GTF3C1: variants seen among roughly 807,000 people sequenced by gnomAD.
GTF3C1 encodes general transcription factor 3C polypeptide 1.
In GTF3C1, 57 loss-of-function variants were observed where a neutral mutation model predicts 226.7. The observed-to-expected ratio is 0.25, with a 90% confidence interval of 0.20 to 0.31. The LOEUF (loss-of-function observed/expected upper bound fraction) is 0.31. Among genes scored for constraint, GTF3C1 ranks in the 10% least tolerant of loss-of-function variants. The pLI is 1.00. For missense variants in GTF3C1, 2,217 were observed against 2,776.1 expected, an observed-to-expected ratio of 0.80 and a Z score of 4.53; for synonymous variants, 1,090 against 1,084.8, an observed-to-expected ratio of 1.00 and a Z score of -0.09.
chr16:27,542,641 T>C (rs2089103065), intron 2 of GTF3C1, among the ~76,000 whole-genome samples: 1 of 151,994 alleles, frequency 6.6e-6, no homozygotes, highest in Non-Finnish European at 1.5e-5. Flanking sequence ...GTTTGGGTAG[T>C]GGGGGATGGA....
At chr16:27,490,991 T>C (rs753660053) in intron 19 of GTF3C1, among the ~76,000 whole-genome samples, 5 of 152,170 alleles carry the variant, frequency 3.3e-5, no homozygotes, top group Admixed American at 6.5e-5. Context: ...TCATGCTGGT[T>C]CACAAATTTT....
In GTF3C1 at chr16:27,538,335, G is replaced by T; in HGVS notation, c.453C>A (p.Ile151=). ...AFDRWGKKLI[I]VASQAMRYRA... is the part of the protein sequence containing the mutation. ...TGTACCGCATGGCCTGGGAGGCAACGATGATCAGTTTCTTCCCCCACCTGC... is the reference window on the plus strand; with the variant it reads ...TGTACCGCATGGCCTGGGAGGCAACTATGATCAGTTTCTTCCCCCACCTGC... Residue 151 remains isoleucine (I), a synonymous_variant, in exon 3 of 37, where the codon ATC becomes ATA. Coordinates refer to ENST00000356183, the MANE Select transcript of GTF3C1 (RefSeq NM_001520.4). The T allele has an allele frequency of 6.4e-7, 1 of 1,557,374 alleles. No individual in the cohort carries two copies. The highest frequency in any genetic ancestry group is 8.7e-7 in the Non-Finnish European group (1 of 1,154,110).
chr16:27,484,169 C>T (rs757980799), intron 25 of GTF3C1, 42 bp downstream of exon 25: 30 of 1,472,456 alleles, frequency 2.0e-5, no homozygotes, highest in Admixed American at 5.0e-5. Context: ...AACGGGATAA[C>T]GTAACCGTGT....
chr16:27,535,450 T>G (rs777910030), intron 4 of GTF3C1, among the ~76,000 whole-genome samples: 17 of 151,966 alleles, frequency 1.1e-4, no homozygotes, highest in Non-Finnish European at 2.2e-4. Context: ...TGGCACATGC[T>G]TATAGTACCA....
At chr16:27,531,163 G>C (rs961150995) in intron 5 of GTF3C1, among the ~76,000 whole-genome samples, 1 of 152,032 alleles carries the variant, frequency 6.6e-6, no homozygotes, top group Non-Finnish European at 1.5e-5. Context: ...ATTTCTACAC[G>C]GCCAGCAGCA....
At chr16:27,473,581 C>T (rs1349557116) in intron 29 of GTF3C1, among the ~76,000 whole-genome samples, 1 of 152,250 alleles carries the variant, frequency 6.6e-6, no homozygotes, top group African/African-American at 2.4e-5. Context: ...TGAGGTCACA[C>T]TGTCAGGCAG....
At chr16:27,487,288 A>G (rs2088156335) in intron 23 of GTF3C1, among the ~76,000 whole-genome samples, 1 of 152,242 alleles carries the variant, frequency 6.6e-6, no homozygotes, top group South Asian at 2.1e-4. Flanking sequence ...CACTAAAAAC[A>G]GGTTCCTGTT....
Position 27,495,913 on chromosome 16 carries a change from C to T in GTF3C1, c.2351-421G>A, listed in dbSNP as rs1284771607. On this transcript the variant is annotated intron_variant, in intron 14 of 36. Transcript: ENST00000356183. The stretch of plus-strand genomic sequence containing the variant: ...AGTGGAGCAAGGAAGCAGAGTGCAG[C>T]ACCTGCGGCAGGAGGGCAATCGAGC... Among the ~76,000 whole-genome samples the T allele has an allele frequency of 2.0e-5, 3 of 152,190 alleles. No individual in the cohort carries two copies. The East Asian group carries it at 5.8e-4, about 29-fold the overall frequency.
At chr16:27,495,152 C>A in intron 15 of GTF3C1, 59 bp downstream of exon 15, 2 of 1,291,558 alleles carry the variant, frequency 1.5e-6, no homozygotes, top group Non-Finnish European at 2.2e-6. Context: ...CATGTTTCTC[C>A]CTGGATCCTA....
At chr16:27,515,142 G>C (rs1424938168) in intron 6 of GTF3C1, among the ~76,000 whole-genome samples, 1 of 152,170 alleles carries the variant, frequency 6.6e-6, no homozygotes, top group Non-Finnish European at 1.5e-5. Context: ...AAGCCTCATA[G>C]TCTTCAAAGC....
intron 10 of GTF3C1, among the ~76,000 whole-genome samples, chr16:27,503,312 C>T (rs1003136710): frequency 6.6e-6 from 1 of 152,236 alleles, no homozygotes; most frequent in Non-Finnish European, 1.5e-5. Context: ...CCCCTTGGTT[C>T]TCCCATACAG....
chr16:27,488,533 G>C, intron 22 of GTF3C1, 21 bp downstream of exon 22: 1 of 1,602,996 alleles, frequency 6.2e-7, no homozygotes, highest in Non-Finnish European at 8.5e-7. Context: ...AACTTCTGGG[G>C]TGAACTCCCA....
intron 28 of GTF3C1, among the ~76,000 whole-genome samples, chr16:27,476,928 G>C (rs1027903547): frequency 3.9e-5 from 6 of 152,186 alleles, no homozygotes; most frequent in African/African-American, 1.4e-4. Context: ...CAAAACCTGG[G>C]CTTTTGGAAC....
chr16:27,469,351 A>C lies in GTF3C1; in HGVS notation c.5014T>G (p.Ser1672Ala), dbSNP rs187809018. 32 of 1,603,340 alleles carry C rather than the reference A, an allele frequency of 2.0e-5. No homozygotes were observed. The African/African-American group carries it at 3.5e-4, about 17-fold the overall frequency. Residue 1672 changes from serine (S) to alanine (A), a missense_variant, in exon 32 of 37, where the codon TCC becomes GCC. By Grantham distance (99) the Ser-to-Ala change is moderately conservative. Coordinates refer to ENST00000356183, the MANE Select transcript of GTF3C1 (RefSeq NM_001520.4). This position sits in a 1 kb window ranked among gnomAD's most constrained non-coding sequence, Gnocchi z 4.5. ...LNPNDSIVVN[S>A]CQMKFQLRCT... is the part of the protein sequence containing the mutation. ...CGGAGCTGGAACTTCATCTGGCAGG[A>C]GTTGACCACAATGCTGTCGTTGGGG...
chr16:27,511,941 G>A, intron 6 of GTF3C1, 40 bp from the exon 7 acceptor site: 1 of 1,609,742 alleles, frequency 6.2e-7, no homozygotes, highest in East Asian at 2.2e-5. Flanking sequence ...ATGAGTGAAA[G>A]CAGTGCTGCG....
intron 4 of GTF3C1, among the ~76,000 whole-genome samples, chr16:27,535,457 A>G (rs2088986197): frequency 6.6e-6 from 1 of 151,926 alleles, no homozygotes; most frequent in African/African-American, 2.4e-5. Flanking sequence ...TGCTTATAGT[A>G]CCAGCTACTT....
intron 29 of GTF3C1, among the ~76,000 whole-genome samples, chr16:27,474,688 C>T (rs2087926975): frequency 6.6e-6 from 1 of 152,200 alleles, no homozygotes; most frequent in South Asian, 2.1e-4. Context: ...CTTTTCTCTG[C>T]AAGTTCAGGC....
At chr16:27,508,434 A>T in intron 8 of GTF3C1, 106 bp downstream of exon 8, 1 of 863,416 alleles carries the variant, frequency 1.2e-6, no homozygotes, top group Non-Finnish European at 1.9e-6. Context: ...TGCCTCCTTG[A>T]CACAGATGTC....
intron 6 of GTF3C1, among the ~76,000 whole-genome samples, chr16:27,515,659 A>C (rs1042505701): frequency 6.6e-6 from 1 of 152,134 alleles, no homozygotes; most frequent in Non-Finnish European, 1.5e-5. Flanking sequence ...AAGTGTTTCC[A>C]TCTCAAGTTC....
Sources: gnomAD v4.1 joint callset for allele counts (sites outside exome capture counted in the v4.1 genomes callset) on GRCh38, gnomAD v4.1.1 for gene constraint, Gnocchi (gnomAD v3.1) non-coding constraint, MANE v1.5 for transcripts, NCBI Gene and HGNC (gene_info 2026-07-23, HGNC 2026-07-21) for gene names.